Variants in MACROD2 observed in about 807,000 individuals in gnomAD.
The protein encoded by MACROD2 is mono-ADP ribosylhydrolase 2, also known as ADP-ribose glycohydrolase MACROD2.
Under a neutral mutation model 70.4 loss-of-function variants are expected in MACROD2, and 36 were observed. The ratio of observed to expected loss-of-function variants is 0.51; its 90% CI spans 0.39 to 0.68. The LOEUF is 0.68. Among genes scored for constraint, MACROD2 ranks in the 30% least tolerant of loss-of-function variants. The pLI, the probability that MACROD2 is intolerant of heterozygous loss-of-function variation, is 0.00. For missense variants in MACROD2, 496 were observed against 538.4 expected, an observed-to-expected ratio of 0.92 and a Z score of 0.78; for synonymous variants, 172 against 178.8, an observed-to-expected ratio of 0.96 and a Z score of 0.30.
intron 3 of MACROD2, among the ~76,000 whole-genome samples, chr20:14,091,735 GAATT>G (rs1313893229): frequency 6.6e-6 from 1 of 151,958 alleles, no homozygotes; most frequent in East Asian, 1.9e-4. Context: ...TTGTATTAAT[GAATT>G]AATGAATTTA....
intron 3 of MACROD2, among the ~76,000 whole-genome samples, chr20:14,383,255 G>A (rs759500895): frequency 1.8e-4 from 28 of 151,906 alleles, no homozygotes; most frequent in Admixed American, 1.1e-3. Context: ...CTACATCTCC[G>A]CTGCCCCAGA....
intron 1 of MACROD2, among the ~76,000 whole-genome samples, chr20:13,999,503 A>C (rs2052704946): frequency 6.6e-6 from 1 of 152,218 alleles, no homozygotes; most frequent in African/African-American, 2.4e-5. Flanking sequence ...TTCTCACAAC[A>C]ACCCTATGAG....
intron 5 of MACROD2, among the ~76,000 whole-genome samples, chr20:15,064,037 C>A (rs906571065): frequency 3.3e-5 from 5 of 152,138 alleles, no homozygotes; most frequent in South Asian, 2.1e-4. Flanking sequence ...GAAGCTAAAG[C>A]CCCCAGTTTA....
chr20:14,172,662 T>C (rs2081232225), intron 3 of MACROD2, among the ~76,000 whole-genome samples: 1 of 152,240 alleles, frequency 6.6e-6, no homozygotes, highest in Admixed American at 6.5e-5. Context: ...ACATTAGTAT[T>C]GAGATGTGAG....
intron 8 of MACROD2, among the ~76,000 whole-genome samples, chr20:15,547,454 T>G (rs987550851): frequency 6.6e-6 from 1 of 152,166 alleles, no homozygotes; most frequent in Non-Finnish European, 1.5e-5. Flanking sequence ...TCCATGTTCT[T>G]GATGAGGGAT....
chr20:16,001,726 T>G (rs149071164), intron 15 of MACROD2, among the ~76,000 whole-genome samples: 408 of 152,302 alleles, frequency 2.7e-3, no homozygotes, highest in African/African-American at 8.3e-3. Flanking sequence ...TCCTCAAACT[T>G]TAAACATAAT....
At chr20:15,974,169 G>T (rs1355226934) in intron 13 of MACROD2, among the ~76,000 whole-genome samples, 1 of 152,154 alleles carries the variant, frequency 6.6e-6, no homozygotes, top group African/African-American at 2.4e-5. Flanking sequence ...TTCAAAGACA[G>T]ATGACTCAAT....
intron 3 of MACROD2, among the ~76,000 whole-genome samples, chr20:14,379,273 T>G (rs1456127840): frequency 6.6e-6 from 1 of 152,190 alleles, no homozygotes; most frequent in Non-Finnish European, 1.5e-5. Context: ...GCGTTTCACC[T>G]GTATGATGTG....
chr20:15,485,902 A>G (rs1277160804), intron 7 of MACROD2, among the ~76,000 whole-genome samples: 1 of 152,192 alleles, frequency 6.6e-6, no homozygotes, highest in Non-Finnish European at 1.5e-5. Context: ...AAGATCTTGT[A>G]TGCAATTATT....
intron 6 of MACROD2, among the ~76,000 whole-genome samples, chr20:15,362,008 C>CTTTT (rs34029805): frequency 3.5e-5 from 5 of 142,474 alleles, no homozygotes; most frequent in Admixed American, 7.0e-5. Context: ...TTATTTCTTC[C>CTTTT]TTTTTTTTTT....
intron 6 of MACROD2, among the ~76,000 whole-genome samples, chr20:15,263,835 T>C (rs549056765): frequency 1.3e-5 from 2 of 152,274 alleles, no homozygotes; most frequent in Admixed American, 1.3e-4. Context: ...TTTTGGATTG[T>C]TCACTGTTGG....
chr20:14,474,325 G>T (rs1313414781), intron 3 of MACROD2, among the ~76,000 whole-genome samples: 1 of 151,980 alleles, frequency 6.6e-6, no homozygotes, highest in African/African-American at 2.4e-5. Context: ...ATTTCATTGT[G>T]GCCAGAAATG....
chr20:14,193,485 A>C (rs1396044725), intron 3 of MACROD2, among the ~76,000 whole-genome samples: 1 of 152,222 alleles, frequency 6.6e-6, no homozygotes, highest in East Asian at 1.9e-4. Context: ...TGAAGGGACT[A>C]CTTACAAAGG....
chr20:15,079,744 C>A (rs1375289679), intron 5 of MACROD2, among the ~76,000 whole-genome samples: 2 of 152,072 alleles, frequency 1.3e-5, no homozygotes, highest in Non-Finnish European at 2.9e-5. Flanking sequence ...TATTTCCAGG[C>A]AGTTGAACAT....
intron 7 of MACROD2, among the ~76,000 whole-genome samples, chr20:15,473,445 G>T (rs957141035): frequency 4.6e-5 from 7 of 152,148 alleles, no homozygotes; most frequent in African/African-American, 1.7e-4. Flanking sequence ...TATCAGAGAA[G>T]AATAAAATTA....
At chr20:14,627,364 T>G (rs1409021055) in intron 4 of MACROD2, among the ~76,000 whole-genome samples, 1 of 152,134 alleles carries the variant, frequency 6.6e-6, no homozygotes, top group Non-Finnish European at 1.5e-5. Flanking sequence ...CTGGGCGATG[T>G]AGGAGCACAG....
chr20:15,679,641 T>C (rs2050132990), intron 8 of MACROD2, among the ~76,000 whole-genome samples: 1 of 152,176 alleles, frequency 6.6e-6, no homozygotes, highest in Non-Finnish European at 1.5e-5. Flanking sequence ...GAGAAGCCTA[T>C]CTACCCTGCT....
intron 3 of MACROD2, among the ~76,000 whole-genome samples, chr20:14,343,445 G>A (rs917015503): frequency 6.6e-6 from 1 of 152,270 alleles, no homozygotes; most frequent in African/African-American, 2.4e-5. Context: ...AGTGGTGGAT[G>A]TAATAGTTCA....
chr20:15,459,387 A>G (rs6135415), intron 7 of MACROD2, among the ~76,000 whole-genome samples: 75,623 of 151,250 alleles, frequency 0.5, 19,898 homozygotes, highest in African/African-American at 0.66. Flanking sequence ...AATTTAGCAG[A>G]AGCTGTGTGC....
Sources: allele counts gnomAD v4.1 joint callset (sites outside exome capture counted in the v4.1 genomes callset), GRCh38; gene constraint gnomAD v4.1.1; transcripts MANE v1.5; gene names NCBI Gene and HGNC (gene_info 2026-07-23, HGNC 2026-07-21).